Variants in OPRK1 observed in about 807,000 individuals in gnomAD.
OPRK1 encodes kappa-type opioid receptor.
Under a neutral mutation model 24.5 loss-of-function variants are expected in OPRK1, and 15 were observed. The ratio of observed to expected loss-of-function variants is 0.61; its 90% CI spans 0.41 to 0.94. OPRK1 has a LOEUF of 0.94. OPRK1 is among the 40% of genes least tolerant of loss of function. OPRK1 has a pLI of 0.00. For missense variants in OPRK1, 479 were observed against 507.3 expected (o/e 0.94, Z 0.54); for synonymous variants, 205 against 198.0 (o/e 1.04, Z -0.30).
chr8:53,243,057 C>A (rs1257591372), intron 2 of OPRK1: 1 of 972,668 alleles, frequency 1.0e-6, no homozygotes, highest in African/African-American at 1.7e-5. Context: ...GGGACTGCTG[C>A]TGATCTTTCT....
rs1807051233 is a variant in OPRK1 at position 53,238,719 on chromosome 8, A to G, written c.258-3608T>C. On this transcript the variant is annotated intron_variant, in intron 2 of 3. Transcript: ENST00000265572. ...GTGTGATGGTGAGGGGAACAAAGTT[A>G]TCTGCTGAGATGTCAGGAACCAGTG... 3.0e-6 allele frequency: 3 copies of G among 985,446 alleles called. No individual in the cohort carries two copies. In the African/African-American group the frequency reaches 5.2e-5, roughly 17 times the overall value. The allele number at this position is 985,446 out of a possible 1,614,324, so 61.0% of individuals were successfully genotyped here.
At chr8:53,245,570 T>C (rs1273143040) in intron 2 of OPRK1, among the ~76,000 whole-genome samples, 1 of 152,070 alleles carries the variant, frequency 6.6e-6, no homozygotes, top group African/African-American at 2.4e-5. Flanking sequence ...ACTGAGCCAT[T>C]TAGAAGGAAG....
At position 53,237,411 on chromosome 8, in the gene OPRK1, G is replaced by A. The variant is rs545475518; in HGVS notation, c.258-2300C>T. 2.0e-5 allele frequency among the ~76,000 whole-genome samples: 3 copies of A among 152,298 alleles called. No individual in the cohort carries two copies. The South Asian group carries it at 6.2e-4, about 32-fold the overall frequency. Reference sequence around the variant, plus strand: ...CCAATAGATGTATGAAACTGTGTAAGACTTGAACATGTAAAGAATTCAAAC... The same window carrying A: ...CCAATAGATGTATGAAACTGTGTAAAACTTGAACATGTAAAGAATTCAAAC... On this transcript the variant is annotated intron_variant, in intron 2 of 3. Transcript: ENST00000265572.
At chr8:53,251,260 T>A in intron 1 of OPRK1, 175 bp from the exon 2 acceptor site, 1 of 679,554 alleles carries the variant, frequency 1.5e-6, no homozygotes, top group Non-Finnish European at 2.3e-6. Context: ...CGCCGCTGGG[T>A]GCCAGAGAGG....
rs941657997 is a variant in OPRK1 at position 53,250,947 on chromosome 8, G to C, written c.91C>G (p.Pro31Ala). ...TTGCTGTCGGGCTCGGCCCAGCCGG[G>C]AAACCAGGCGCTGCTGTTGGGGGGC... is the stretch of plus-strand genomic sequence containing the variant. ...CLPPNSSAWF[P>A]GWAEPDSNGS... is the part of the protein sequence containing the mutation. The change falls in exon 2 of 4, where the codon CCC becomes GCC. Residue 31 changes from proline (P) to alanine (A), a missense_variant. Pro to Ala is a conservative substitution (Grantham distance 27, BLOSUM62 -1). Coordinates refer to ENST00000265572, the MANE Select transcript of OPRK1 (RefSeq NM_000912.5). The C allele has an allele frequency of 6.2e-7, 1 of 1,610,230 alleles. No homozygotes were observed. Among genetic ancestry groups the C allele is most frequent in the African/African-American group, 1.3e-5 (1 of 74,916 alleles).
chr8:53,241,012 T>A (rs189701272), intron 2 of OPRK1, among the ~76,000 whole-genome samples: 191 of 152,258 alleles, frequency 1.3e-3, no homozygotes, highest in Admixed American at 4.4e-3. Flanking sequence ...GGGGGAATAA[T>A]GAACTCTGAT....
In OPRK1 at chr8:53,226,943, A is replaced by C. The variant is rs1291812824; in HGVS notation, c.*2354T>G. 1 of 152,230 alleles carries C rather than the reference A, an allele frequency of 6.6e-6. No homozygotes were observed. The highest frequency in any genetic ancestry group is 1.9e-4 in the East Asian group (1 of 5,184). The allele number at this position is 152,230 out of a possible 1,614,324, so 9.4% of individuals were successfully genotyped here. A position where few individuals can be genotyped will look rare whatever the true frequency, so the allele number is the denominator to read the frequency against. ...AACCAATAATGGCAATTAACGCTGT[A>C]AGAGCACGTGAAGTGCTAACTTAAA... On this transcript the variant is annotated 3_prime_UTR_variant, in exon 4 of 4. Transcript: ENST00000265572.
At chr8:53,248,841 C>G (rs1807299713) in intron 2 of OPRK1, among the ~76,000 whole-genome samples, 2 of 152,140 alleles carry the variant, frequency 1.3e-5, no homozygotes, top group Non-Finnish European at 2.9e-5. Context: ...CATTCATCAT[C>G]AAACGTAACC....
At chr8:53,247,080 CT>C (rs1343066417) in intron 2 of OPRK1, among the ~76,000 whole-genome samples, 2 of 152,224 alleles carry the variant, frequency 1.3e-5, no homozygotes, top group African/African-American at 4.8e-5. Flanking sequence ...AGGGTTAAGG[CT>C]TTGGTGGAAG....
intron 3 of OPRK1, 43 bp downstream of exon 3, chr8:53,234,716 T>C (rs1806946173): frequency 6.5e-7 from 1 of 1,529,838 alleles, no homozygotes; most frequent in Non-Finnish European, 9.0e-7. Flanking sequence ...CTATGTAATT[T>C]GAAGCTACAT....
At position 53,250,927 on chromosome 8, in the gene OPRK1, G is replaced by A; in HGVS notation, c.111C>T (p.Asp37=). 3 of 1,611,898 alleles carry A rather than the reference G, an allele frequency of 1.9e-6. No individual in the cohort carries two copies. The highest frequency in any genetic ancestry group is 1.3e-5 in the African/African-American group (1 of 74,992). The change falls in exon 2 of 4, where the codon GAC becomes GAT. Residue 37 remains aspartate (D), a synonymous_variant. Coordinates refer to ENST00000265572, the MANE Select transcript of OPRK1 (RefSeq NM_000912.5). ...SAWFPGWAEP[D]SNGSAGSEDA... ...CCTCCGAGCCGGCGCTGCCGTTGCT[G>A]TCGGGCTCGGCCCAGCCGGGAAACC...
Position 53,230,518 on chromosome 8 carries a change from T to G in OPRK1, c.611-689A>C, listed in dbSNP as rs557159031. Among the ~76,000 whole-genome samples, 363 of 152,288 alleles carry G rather than the reference T, an allele frequency of 2.4e-3. 2 individuals are homozygous for G. The highest frequency in any genetic ancestry group is 8.0e-3 in the African/African-American group (334 of 41,556). The stretch of plus-strand genomic sequence containing the variant: ...GGAATTCTGAGTAAATCAGGCACAT[T>G]TATTTTCATTTTTACCAACATTATT... On this transcript the variant is annotated intron_variant, in intron 3 of 3. Transcript: ENST00000265572.
rs199909350 is a variant in OPRK1, at chr8:53,228,303, T to C, written c.*994A>G. ...CGAAGGCTACAACCTGGGAGCTAGT[T>C]AAAGCCTTTGTGATTCATTAGCACA... On this transcript the variant is annotated 3_prime_UTR_variant, in exon 4 of 4. Coordinates refer to ENST00000265572, the MANE Select transcript of OPRK1 (RefSeq NM_000912.5). 1.3e-5 allele frequency: 2 copies of C among 152,214 alleles called. No homozygotes were observed. The highest frequency in any genetic ancestry group is 2.9e-5 in the Non-Finnish European group (2 of 68,048). The allele number at this position is 152,214 out of a possible 1,614,324, so 9.4% of individuals were successfully genotyped here.
intron 2 of OPRK1, among the ~76,000 whole-genome samples, chr8:53,236,324 G>A (rs1189849790): frequency 6.6e-6 from 1 of 152,168 alleles, no homozygotes; most frequent in Non-Finnish European, 1.5e-5. Flanking sequence ...AAGGGCAGTA[G>A]ATGGCCTGAT....
chr8:53,236,219 C>G (rs1806993247), intron 2 of OPRK1, among the ~76,000 whole-genome samples: 6 of 152,228 alleles, frequency 3.9e-5, no homozygotes, highest in Admixed American at 3.9e-4. Context: ...CATGTGAACT[C>G]AGACAATCCT....
At chr8:53,249,107 C>T (rs1229505589) in intron 2 of OPRK1, among the ~76,000 whole-genome samples, 1 of 152,114 alleles carries the variant, frequency 6.6e-6, no homozygotes, top group Admixed American at 6.5e-5. Context: ...TAATCCTAGT[C>T]TGCAAAAGGT....
intron 2 of OPRK1, among the ~76,000 whole-genome samples, chr8:53,241,233 C>T (rs564506614): frequency 8.5e-4 from 129 of 152,270 alleles, no homozygotes; most frequent in Non-Finnish European, 1.7e-3. Flanking sequence ...AGAATGATGA[C>T]CGTGCTGACG....
At chr8:53,243,922 T>A (rs1045442312) in intron 2 of OPRK1, among the ~76,000 whole-genome samples, 1 of 152,216 alleles carries the variant, frequency 6.6e-6, no homozygotes, top group Non-Finnish European at 1.5e-5. Flanking sequence ...TGCTTTTTTT[T>A]AATGCCTCTG....
intron 3 of OPRK1, among the ~76,000 whole-genome samples, chr8:53,233,395 C>A (rs1431523879): frequency 6.6e-6 from 1 of 152,152 alleles, no homozygotes; most frequent in African/African-American, 2.4e-5. Context: ...GAACCTAAAA[C>A]TGTAAACTGA....
Sources: gnomAD v4.1 joint callset for allele counts (sites outside exome capture counted in the v4.1 genomes callset) on GRCh38, gnomAD v4.1.1 for gene constraint, MANE v1.5 for transcripts, NCBI Gene and HGNC (gene_info 2026-07-23, HGNC 2026-07-21) for gene names.